The following WDPCP variants were observed in gnomAD, a reference collection of about 807,000 sequenced individuals.
WDPCP encodes the protein WD repeat containing planar cell polarity effector.
Under a neutral mutation model 93.1 loss-of-function variants are expected in WDPCP, and 71 were observed. The ratio of observed to expected loss-of-function variants is 0.76; its 90% CI spans 0.63 to 0.93. The LOEUF is 0.93. WDPCP is among the 40% of genes least tolerant of loss of function. WDPCP has a pLI of 0.00. For synonymous variants in WDPCP, 315 were observed against 315.0 expected, an observed-to-expected ratio of 1.00 and a Z score of 0.00; for missense variants, 844 against 887.4, an observed-to-expected ratio of 0.95 and a Z score of 0.62.
At chr2:63,562,683 T>C (rs1049750659) in intron 1 of WDPCP, among the ~76,000 whole-genome samples, 4 of 152,222 alleles carry the variant, frequency 2.6e-5, no homozygotes, top group Non-Finnish European at 5.9e-5. Flanking sequence ...TATTATACTG[T>C]AAGGTAGAGC....
At chr2:63,151,064 C>T (rs547335397) in intron 17 of WDPCP, among the ~76,000 whole-genome samples, 3 of 152,276 alleles carry the variant, frequency 2.0e-5, no homozygotes, top group Admixed American at 1.3e-4. Context: ...ATTACAAAAA[C>T]CATCCTATAC....
chr2:63,653,749 A>G (rs562607825), intron 2 of WDPCP, among the ~76,000 whole-genome samples: 96 of 152,212 alleles, frequency 6.3e-4, no homozygotes, highest in African/African-American at 2.2e-3. Context: ...CGTCTCTACT[A>G]AAAATACAAA....
chr2:63,395,153 T>C (rs1190453579), intron 10 of WDPCP, among the ~76,000 whole-genome samples: 3 of 152,178 alleles, frequency 2.0e-5, no homozygotes, highest in African/African-American at 7.2e-5. Flanking sequence ...TGAGCAAAAG[T>C]ACCAAGACAC....
At chr2:63,532,852 C>T (rs188256701) in intron 1 of WDPCP, among the ~76,000 whole-genome samples, 51 of 152,272 alleles carry the variant, frequency 3.3e-4, no homozygotes, top group East Asian at 3.3e-3. Context: ...CAAATTAACA[C>T]GTAACAATAT....
chr2:63,517,080 C>A (rs1188672459), intron 1 of WDPCP, among the ~76,000 whole-genome samples: 2 of 152,114 alleles, frequency 1.3e-5, no homozygotes, highest in African/African-American at 4.8e-5. Context: ...TAAACTACAT[C>A]CTAATCTTTC....
At chr2:63,544,101 AT>A (rs1483289209) in intron 1 of WDPCP, among the ~76,000 whole-genome samples, 2 of 152,128 alleles carry the variant, frequency 1.3e-5, no homozygotes, top group African/African-American at 4.8e-5. Context: ...CTATTTTAGT[AT>A]TTTGATAATT....
chr2:63,163,179 CT>C (rs1559166310), intron 15 of WDPCP, among the ~76,000 whole-genome samples: 1 of 152,136 alleles, frequency 6.6e-6, no homozygotes, highest in African/African-American at 2.4e-5. Flanking sequence ...AAATGGAAAT[CT>C]TTTTGTTCTT....
chr2:63,768,737 T>C (rs541168836), intron 2 of WDPCP, among the ~76,000 whole-genome samples: 2 of 152,164 alleles, frequency 1.3e-5, no homozygotes, highest in Admixed American at 1.3e-4. Context: ...ATAGTGACAC[T>C]GAGCTTAGAG....
At chr2:63,775,479 G>C (rs1670289093) in intron 2 of WDPCP, among the ~76,000 whole-genome samples, 2 of 152,158 alleles carry the variant, frequency 1.3e-5, no homozygotes, top group African/African-American at 4.8e-5. Context: ...TGTCTCCTAA[G>C]CAGTTGGCTT....
the WDPCP span, among the ~76,000 whole-genome samples, chr2:63,837,479 T>C: frequency 6.6e-6 from 1 of 152,216 alleles, no homozygotes; most frequent in Non-Finnish European, 1.5e-5. Context: ...CTAAACACTT[T>C]GGGCATGACA....
At chr2:63,292,062 G>C (rs1432200130) in intron 13 of WDPCP, among the ~76,000 whole-genome samples, 1 of 148,078 alleles carries the variant, frequency 6.8e-6, no homozygotes, top group African/African-American at 2.5e-5. Context: ...GAACCCGGGA[G>C]GTGGAGCTTG....
intron 2 of WDPCP, among the ~76,000 whole-genome samples, chr2:63,695,332 T>A (rs1025365140): frequency 7.2e-5 from 11 of 152,248 alleles, no homozygotes; most frequent in African/African-American, 2.7e-4. Context: ...TACTTTGTTA[T>A]ATTGATGAAG....
chr2:63,569,695 CT>C (rs1707337659), intron 1 of WDPCP, among the ~76,000 whole-genome samples: 1 of 152,190 alleles, frequency 6.6e-6, no homozygotes, highest in African/African-American at 2.4e-5. Context: ...AGAGCTACCA[CT>C]GACATGCAGA....
At chr2:63,629,952 G>A (rs998912180) in intron 3 of WDPCP, among the ~76,000 whole-genome samples, 8 of 152,170 alleles carry the variant, frequency 5.3e-5, no homozygotes, top group Admixed American at 2.6e-4. Context: ...AATAGACAAT[G>A]AATAGATGCC....
Position 63,222,754 on chromosome 2 carries a change from T to C in WDPCP, c.1915+36553A>G, listed in dbSNP as rs182419922. On this transcript the variant is annotated intron_variant, in intron 14 of 17. Transcript: ENST00000272321. Reference sequence around the variant, plus strand: ...CAGGTATAAGCAACTAAATAATTTATGTCTTTTAGTATAGAATTGTTACAT... The same window carrying C: ...CAGGTATAAGCAACTAAATAATTTACGTCTTTTAGTATAGAATTGTTACAT... 1.3e-3 allele frequency among the ~76,000 whole-genome samples: 191 copies of C among 152,334 alleles called. 1 individual carries two copies. The highest frequency in any genetic ancestry group is 3.7e-3 in the Admixed American group (56 of 15,298).
intron 2 of WDPCP, among the ~76,000 whole-genome samples, chr2:63,806,951 T>C (rs1413284503): frequency 6.6e-6 from 1 of 152,102 alleles, no homozygotes; most frequent in East Asian, 1.9e-4. Context: ...TACAGGGTCC[T>C]GAGGCAATAT....
At chr2:63,838,382 C>T in the WDPCP span, among the ~76,000 whole-genome samples, 6 of 152,238 alleles carry the variant, frequency 3.9e-5, no homozygotes, top group African/African-American at 1.4e-4. Context: ...ACTGAGTTTC[C>T]TCAAGTTTCT....
chr2:63,692,580 T>A (rs1668906357), intron 2 of WDPCP, among the ~76,000 whole-genome samples: 2 of 152,216 alleles, frequency 1.3e-5, no homozygotes, highest in African/African-American at 4.8e-5. Flanking sequence ...GTCAAGAATA[T>A]TCAGCAATCA....
At chr2:63,410,364 A>C (rs1401296884) in intron 9 of WDPCP, among the ~76,000 whole-genome samples, 1 of 152,240 alleles carries the variant, frequency 6.6e-6, no homozygotes, top group Non-Finnish European at 1.5e-5. Context: ...AACTGCTAAA[A>C]GGAGCTCTAA....
Sources: gnomAD v4.1 joint callset for allele counts (sites outside exome capture counted in the v4.1 genomes callset) on GRCh38, gnomAD v4.1.1 for gene constraint, MANE v1.5 for transcripts, NCBI Gene and HGNC (gene_info 2026-07-23, HGNC 2026-07-21) for gene names.